Variants in HIBADH observed in about 807,000 individuals in gnomAD.
The protein encoded by HIBADH is 3-hydroxyisobutyrate dehydrogenase, also known as 3-hydroxyisobutyrate dehydrogenase, mitochondrial.
A neutral mutation model predicts 36.1 loss-of-function variants in HIBADH; 25 were observed. The ratio of observed to expected loss-of-function variants is 0.69; its 90% CI spans 0.50 to 0.97. The LOEUF (loss-of-function observed/expected upper bound fraction) is 0.97, where lower values mean the gene tolerates loss of function less well. HIBADH is among the 50% of genes least tolerant of loss of function. The pLI, the probability that HIBADH is intolerant of heterozygous loss-of-function variation, is 0.00. For missense variants in HIBADH, 421 were observed against 418.0 expected (o/e 1.01, Z -0.06); for synonymous variants, 160 against 149.5 (o/e 1.07, Z -0.51).
chr7:27,570,527 G>T (rs1784613261), intron 4 of HIBADH, among the ~76,000 whole-genome samples: 1 of 152,250 alleles, frequency 6.6e-6, no homozygotes, highest in Admixed American at 6.5e-5. Context: ...TTTACCTAGG[G>T]CTGAGGAAGG....
At chr7:27,656,528 A>G (rs1425145617) in intron 1 of HIBADH, among the ~76,000 whole-genome samples, 9 of 152,050 alleles carry the variant, frequency 5.9e-5, no homozygotes, top group Non-Finnish European at 1.3e-4. Flanking sequence ...TATTAAGTGG[A>G]AAAAAAATGC....
At chr7:27,628,734 T>G (rs570884013) in intron 4 of HIBADH, among the ~76,000 whole-genome samples, 4 of 152,234 alleles carry the variant, frequency 2.6e-5, no homozygotes, top group Middle Eastern at 3.4e-3. Flanking sequence ...TTTAATCTCA[T>G]TCATACATGG....
chr7:27,607,406 G>C (rs1456370944), intron 4 of HIBADH, among the ~76,000 whole-genome samples: 1 of 152,124 alleles, frequency 6.6e-6, no homozygotes, highest in Non-Finnish European at 1.5e-5. Context: ...CTACATGGGA[G>C]GAAGAGGCAG....
At chr7:27,595,579 G>GGTGT (rs3219776) in intron 4 of HIBADH, among the ~76,000 whole-genome samples, 4,671 of 143,378 alleles carry the variant, frequency 0.033, 76 homozygotes, top group African/African-American at 0.049. Flanking sequence ...CATAAGGGCA[G>GGTGT]GTGTGTGTGT....
intron 1 of HIBADH, among the ~76,000 whole-genome samples, chr7:27,661,027 G>GA (rs1212781178): frequency 6.6e-6 from 1 of 152,168 alleles, no homozygotes; most frequent in East Asian, 1.9e-4. Flanking sequence ...AAAGAATTGT[G>GA]AATTCATGTG....
chr7:27,577,973 T>G (rs1334480559), intron 4 of HIBADH, among the ~76,000 whole-genome samples: 3 of 152,168 alleles, frequency 2.0e-5, no homozygotes, highest in Non-Finnish European at 2.9e-5. Flanking sequence ...GCAAGAAATG[T>G]CAACCTGATT....
chr7:27,651,601 CTAGGAAGAT>C (rs1786197149), intron 1 of HIBADH, among the ~76,000 whole-genome samples: 1 of 152,142 alleles, frequency 6.6e-6, no homozygotes, highest in Admixed American at 6.5e-5. Context: ...ACTTCAGCAA[CTAGGAAGAT>C]TATAATTTAA....
chr7:27,659,551 CA>C (rs1411706073), intron 1 of HIBADH, among the ~76,000 whole-genome samples: 1 of 148,358 alleles, frequency 6.7e-6, no homozygotes, highest in African/African-American at 2.5e-5. Context: ...CCCATCTCTA[CA>C]AAAAAAATAA....
chr7:27,592,258 T>G (rs1784949999), intron 4 of HIBADH, among the ~76,000 whole-genome samples: 1 of 152,174 alleles, frequency 6.6e-6, no homozygotes, highest in African/African-American at 2.4e-5. Context: ...CCTAATACAT[T>G]ATGATGATCT....
intron 2 of HIBADH, among the ~76,000 whole-genome samples, chr7:27,648,751 T>C (rs1047098118): frequency 6.6e-6 from 1 of 152,212 alleles, no homozygotes; most frequent in African/African-American, 2.4e-5. Context: ...CCAGCAGATG[T>C]TATCATCCAA....
chr7:27,564,720 T>C (rs936618906), intron 4 of HIBADH, among the ~76,000 whole-genome samples: 1 of 152,218 alleles, frequency 6.6e-6, no homozygotes, highest in Non-Finnish European at 1.5e-5. Flanking sequence ...TTGGGGGAAA[T>C]TGACATCTTT....
At chr7:27,571,131 A>G (rs999491) in intron 4 of HIBADH, among the ~76,000 whole-genome samples, 32,823 of 151,718 alleles carry the variant, frequency 0.22, 4,502 homozygotes, top group East Asian at 0.44. Context: ...CCCATATACC[A>G]TTTATCTATT....
At chr7:27,654,882 T>C (rs1250565591) in intron 1 of HIBADH, among the ~76,000 whole-genome samples, 1 of 152,078 alleles carries the variant, frequency 6.6e-6, no homozygotes, top group Non-Finnish European at 1.5e-5. Context: ...AGATGAGGTT[T>C]CATCATGTTG....
At chr7:27,599,606 C>T (rs763991938) in intron 4 of HIBADH, among the ~76,000 whole-genome samples, 21 of 129,330 alleles carry the variant, frequency 1.6e-4, no homozygotes, top group Admixed American at 2.9e-4. Flanking sequence ...GGCGTGAACC[C>T]GGGAGGCGGA....
intron 4 of HIBADH, among the ~76,000 whole-genome samples, chr7:27,621,164 A>C (rs1027179578): frequency 6.6e-6 from 1 of 152,228 alleles, no homozygotes; most frequent in African/African-American, 2.4e-5. Flanking sequence ...AAAGGAATCA[A>C]TCCAGCAAGA....
intron 4 of HIBADH, among the ~76,000 whole-genome samples, chr7:27,548,750 T>C (rs1221077642): frequency 6.6e-6 from 1 of 152,096 alleles, no homozygotes; most frequent in African/African-American, 2.4e-5. Context: ...GGAAAAGAGA[T>C]GTATAACCAG....
chr7:27,539,718 A>G (rs1194401073), intron 5 of HIBADH, among the ~76,000 whole-genome samples: 1 of 152,180 alleles, frequency 6.6e-6, no homozygotes, highest in African/African-American at 2.4e-5. Flanking sequence ...AAACCCATGT[A>G]TAACTTTTGA....
At chr7:27,637,934 A>C (rs1416867395) in intron 2 of HIBADH, among the ~76,000 whole-genome samples, 1 of 152,092 alleles carries the variant, frequency 6.6e-6, no homozygotes, top group Non-Finnish European at 1.5e-5. Context: ...AAGAAATCAG[A>C]GATGACACAA....
intron 2 of HIBADH, among the ~76,000 whole-genome samples, chr7:27,639,754 C>A (rs574853619): frequency 2.0e-5 from 3 of 151,958 alleles, no homozygotes; most frequent in African/African-American, 7.2e-5. Flanking sequence ...TAAAGGGATA[C>A]GGAAACGTCC....
Sources: allele counts gnomAD v4.1 joint callset (sites outside exome capture counted in the v4.1 genomes callset), GRCh38; gene constraint gnomAD v4.1.1; transcripts MANE v1.5; gene names NCBI Gene and HGNC (gene_info 2026-07-23, HGNC 2026-07-21).